The following SLC16A3 variants were observed in gnomAD, a reference collection of about 807,000 sequenced individuals.
The protein encoded by SLC16A3 is solute carrier family 16 member 3.
A neutral mutation model predicts 25.0 loss-of-function variants in SLC16A3; 22 were observed. The observed-to-expected ratio is 0.88, with a 90% confidence interval of 0.63 to 1.26. The LOEUF is 1.26. SLC16A3 is among the 50% of genes most tolerant of loss of function. The pLI, the probability that SLC16A3 is intolerant of heterozygous loss-of-function variation, is 0.00. For missense variants in SLC16A3, 731 were observed against 666.6 expected, an observed-to-expected ratio of 1.10 and a Z score of -1.06; for synonymous variants, 390 against 309.2, an observed-to-expected ratio of 1.26 and a Z score of -2.74.
In SLC16A3 at chr17:82,237,524, T is replaced by TACGCCAAGGACCTGGGCGTGCCCG. The variant is rs773883813; in HGVS notation, c.757_780dup (p.Ala253_Asp260dup). 3 of 1,611,728 alleles carry TACGCCAAGGACCTGGGCGTGCCCG rather than the reference T, an allele frequency of 1.9e-6. No individual in the cohort carries two copies. The highest frequency in any genetic ancestry group is 2.5e-6 in the Non-Finnish European group (3 of 1,179,408). ...CGTCCCGCCCGTGTTCGTGGTGAGCTACGCCAAGGACCTGGGCGTGCCCGA... is the reference window on the plus strand; with the variant it reads ...CGTCCCGCCCGTGTTCGTGGTGAGCTACGCCAAGGACCTGGGCGTGCCCGACGCCAAGGACCTGGGCGTGCCCGA... On this transcript the variant is annotated inframe_insertion, in exon 4 of 5. Transcript: ENST00000582743.
chr17:82,224,641 C>A (rs1049966099), upstream of SLC16A3, among the ~76,000 whole-genome samples: 2 of 134,840 alleles, frequency 1.5e-5, no homozygotes, highest in African/African-American at 2.8e-5. Flanking sequence ...GTCACCTGTG[C>A]AGACACACCC....
intron 1 of SLC16A3, chr17:82,231,145 G>C (rs919454422): frequency 5.9e-5 from 9 of 152,068 alleles, no homozygotes; most frequent in African/African-American, 2.2e-4. Flanking sequence ...CCCGCGGCTG[G>C]CGGGGCGGGG....
chr17:82,236,064 G>C lies in SLC16A3; in HGVS notation c.56G>C (p.Gly19Ala). The change falls in exon 2 of 5, where the codon GGC (glycine) becomes GCC (alanine). Residue 19 changes from glycine to alanine, a missense_variant. Transcript: ENST00000582743. ...GPTGVKAPDG[G>A]WGWAVLFGCF... is the part of the protein sequence containing the mutation. ...ACAGGCGTCAAGGCCCCTGACGGCG[G>C]CTGGGGCTGGGCCGTGCTCTTCGGC... 2 of 1,612,718 alleles carry C rather than the reference G, an allele frequency of 1.2e-6. No individual in the cohort carries two copies. Among genetic ancestry groups the C allele is most frequent in the Non-Finnish European group, 1.7e-6 (2 of 1,179,828 alleles).
rs572622794 is a variant in SLC16A3, at chr17:82,236,293, C to A, written c.223+62C>A. On this transcript the variant is annotated intron_variant, in intron 2 of 4. Coordinates refer to ENST00000582743, the MANE Select transcript of SLC16A3 (RefSeq NM_004207.4). The stretch of plus-strand genomic sequence containing the variant: ...CTCTGCTGGCGGATCCTGCTGGGCG[C>A]GTGTAGCTGGGCTCAGCAACAGGGC... 2,292 of 1,488,302 alleles carry A rather than the reference C, an allele frequency of 1.5e-3. 11 individuals are homozygous for A. The highest frequency in any genetic ancestry group is 7.4e-3 in the South Asian group (650 of 88,144). The allele number at this position is 1,488,302 out of a possible 1,614,324, so 92.2% of individuals were successfully genotyped here. A position where few individuals can be genotyped will look rare whatever the true frequency, so the allele number is the denominator to read the frequency against.
Position 82,237,344 on chromosome 17 carries a change from G to A in SLC16A3, c.574G>A (p.Val192Met), listed in dbSNP as rs764516249. Residue 192 changes from valine to methionine, a missense_variant, in exon 4 of 5, where the codon GTG (valine) becomes ATG (methionine). Transcript: ENST00000582743. ...ILGGLLLNCC[V>M]CAALMRPLVV... ...GGGCGGCCTGCTGCTCAACTGCTGC[G>A]TGTGTGCCGCACTCATGAGGCCCCT... is the stretch of plus-strand genomic sequence containing the variant. 8.4e-6 allele frequency: 13 copies of A among 1,540,256 alleles called. No homozygotes were observed. In the South Asian group the frequency reaches 1.1e-4, roughly 13 times the overall value.
At chr17:82,221,668 A>G (rs1252220726) in intron 1 of SLC16A3, among the ~76,000 whole-genome samples, 4 of 152,208 alleles carry the variant, frequency 2.6e-5, no homozygotes, top group South Asian at 2.1e-4. Flanking sequence ...AAGATACTCA[A>G]CATCATTAGT....
At chr17:82,232,019 C>T (rs79034755) in intron 1 of SLC16A3, 27,728 of 152,256 alleles carry the variant, frequency 0.18, 2,954 homozygotes, top group Non-Finnish European at 0.25. Flanking sequence ...ACAGGGGCTG[C>T]GGGGGAAGAA....
chr17:82,222,665 G>A (rs1055496479), intron 1 of SLC16A3, among the ~76,000 whole-genome samples: 1 of 152,062 alleles, frequency 6.6e-6, no homozygotes, highest in Non-Finnish European at 1.5e-5. Context: ...TTAGCTGGGC[G>A]TGATGGTGCA....
chr17:82,218,312 C>T (rs1288520590), intron 1 of SLC16A3, among the ~76,000 whole-genome samples: 1 of 100,058 alleles, frequency 1.0e-5, no homozygotes, highest in Non-Finnish European at 1.9e-5. Context: ...GCGGGGTGGA[C>T]GGCCAAGGGG....
At chr17:82,238,343 AGT>A (rs1440913750) in intron 4 of SLC16A3, among the ~76,000 whole-genome samples, 1 of 151,986 alleles carries the variant, frequency 6.6e-6, no homozygotes, top group Non-Finnish European at 1.5e-5. Context: ...CATGTCTTGG[AGT>A]CCGCGGTGGC....
chr17:82,228,832 G>A (rs1331251711), upstream of SLC16A3, among the ~76,000 whole-genome samples: 4 of 151,504 alleles, frequency 2.6e-5, no homozygotes, highest in Non-Finnish European at 5.9e-5. Context: ...GGCCGGGGGC[G>A]CCGACGGGGC....
upstream of SLC16A3, among the ~76,000 whole-genome samples, chr17:82,224,827 G>A (rs1387303138): frequency 6.6e-6 from 1 of 151,982 alleles, no homozygotes; most frequent in Non-Finnish European, 1.5e-5. Context: ...CACATAACCG[G>A]CCCTCTCATA....
At chr17:82,222,780 G>A (rs2147107172) in intron 1 of SLC16A3, among the ~76,000 whole-genome samples, 1 of 150,750 alleles carries the variant, frequency 6.6e-6, no homozygotes, top group East Asian at 2.0e-4. Context: ...TCCAGCCTGG[G>A]GGACAAGAGC....
Position 82,236,174 on chromosome 17 carries a change from G to T in SLC16A3, c.166G>T (p.Gly56Cys). 6.2e-7 allele frequency: 1 copy of T among 1,613,146 alleles called. No individual in the cohort carries two copies. The highest frequency in any genetic ancestry group is 8.5e-7 in the Non-Finnish European group (1 of 1,179,966). Residue 56 changes from glycine (G) to cysteine (C), a missense_variant, in exon 2 of 5, where the codon GGC (glycine) becomes TGC (cysteine). Coordinates refer to ENST00000582743, the MANE Select transcript of SLC16A3 (RefSeq NM_004207.4). ...GGAGCTCATACAGGAGTTTGGGATCGGCTACAGCGACACAGCCTGGATCTC... is the reference window on the plus strand; with the variant it reads ...GGAGCTCATACAGGAGTTTGGGATCTGCTACAGCGACACAGCCTGGATCTC... Reference protein sequence around the residue: ...FKELIQEFGIGYSDTAWISSI... With the variant: ...FKELIQEFGICYSDTAWISSI...
At chr17:82,235,960 A>C in intron 1 of SLC16A3, 23 bp from the exon 2 acceptor site, 2 of 1,520,552 alleles carry the variant, frequency 1.3e-6, no homozygotes, top group Non-Finnish European at 9.0e-7. Flanking sequence ...GGGCAGCCTG[A>C]GTCAGCCTGC....
rs1231144082 is a variant in SLC16A3, at chr17:82,239,100, G to C, written c.*124G>C. 3 of 937,990 alleles carry C rather than the reference G, an allele frequency of 3.2e-6. No homozygotes were observed. The African/African-American group carries it at 5.0e-5, about 16-fold the overall frequency. The allele number at this position is 937,990 out of a possible 1,614,324, so 58.1% of individuals were successfully genotyped here. On this transcript the variant is annotated 3_prime_UTR_variant, in exon 5 of 5. Coordinates refer to ENST00000582743, the MANE Select transcript of SLC16A3 (RefSeq NM_004207.4). ...CTGGGCTCCAGCTGCCGGCCCAGCG[G>C]ATCGTCGCCCGATCAGTGTTTTGAG...
chr17:82,231,573 C>G (rs1245394302), intron 1 of SLC16A3: 1 of 152,314 alleles, frequency 6.6e-6, no homozygotes, highest in South Asian at 2.1e-4. Context: ...CGGCCCCCAC[C>G]ACCTCCCGGC....
chr17:82,239,704 A>G lies in SLC16A3; in HGVS notation c.*728A>G. The stretch of plus-strand genomic sequence containing the variant: ...CTCTGAAATGTGCCAGGGAGCCCCT[A>G]CGTGGTGGTTAGATGGGAGCTGAGG... On this transcript the variant is annotated 3_prime_UTR_variant, in exon 5 of 5. Coordinates refer to ENST00000582743, the MANE Select transcript of SLC16A3 (RefSeq NM_004207.4). The G allele has an allele frequency of 2.8e-6, 1 of 355,806 alleles. No homozygotes were observed. The highest frequency in any genetic ancestry group is 5.0e-6 in the Non-Finnish European group (1 of 199,264). 22.0% of individuals were successfully genotyped at this position (355,806 alleles called of 1,614,324 possible).
chr17:82,233,355 G>A (rs1214311005), intron 1 of SLC16A3, among the ~76,000 whole-genome samples: 2 of 152,290 alleles, frequency 1.3e-5, no homozygotes, highest in East Asian at 1.9e-4. Flanking sequence ...TGAGCGTCAC[G>A]TGGAAGCCAC....
Sources: gnomAD v4.1 joint callset for allele counts (sites outside exome capture counted in the v4.1 genomes callset) on GRCh38, gnomAD v4.1.1 for gene constraint, MANE v1.5 for transcripts, NCBI Gene and HGNC (gene_info 2026-07-23, HGNC 2026-07-21) for gene names.